Variants in FAR2 observed in about 807,000 individuals in gnomAD.
The protein encoded by FAR2 is epididymis secretory protein Li 81.
Under a neutral mutation model 56.0 loss-of-function variants are expected in FAR2, and 19 were observed. The ratio of observed to expected loss-of-function variants is 0.34; its 90% CI spans 0.24 to 0.50. FAR2 has a LOEUF of 0.50. Ranked by LOEUF, FAR2 falls within the 20% of genes least tolerant of loss-of-function variation. The pLI, the probability that FAR2 is intolerant of heterozygous loss-of-function variation, is 0.98. For missense variants in FAR2, 508 were observed against 642.2 expected, an observed-to-expected ratio of 0.79 and a Z score of 2.26; for synonymous variants, 219 against 218.8, an observed-to-expected ratio of 1.00 and a Z score of -0.01.
chr12:29,176,162 C>G (rs1330162514), intron 1 of FAR2, among the ~76,000 whole-genome samples: 1 of 152,180 alleles, frequency 6.6e-6, no homozygotes, highest in Non-Finnish European at 1.5e-5. Context: ...TTATGCTCCC[C>G]AGATTCCTCA....
At position 29,297,012 on chromosome 12, in the gene FAR2, C is replaced by T. The variant is rs1555121038; in HGVS notation, c.366-9C>T. The T allele has an allele frequency of 1.9e-6, 3 of 1,582,832 alleles. No homozygotes were observed. Among genetic ancestry groups the T allele is most frequent in the Non-Finnish European group, 2.6e-6 (3 of 1,167,084 alleles). On this transcript the variant is annotated splice_polypyrimidine_tract_variant and intron_variant, in intron 3 of 11. Coordinates refer to ENST00000536681, the MANE Select transcript of FAR2 (RefSeq NM_001271783.2). ...TTCATTGTATTTCCTTCTGCTTAATCTTCTCTAGACATGCTGTGCAACTTA... is the reference window on the plus strand; with the variant it reads ...TTCATTGTATTTCCTTCTGCTTAATTTTCTCTAGACATGCTGTGCAACTTA...
chr12:29,260,117 C>A (rs992543542), intron 1 of FAR2, among the ~76,000 whole-genome samples: 8 of 152,108 alleles, frequency 5.3e-5, no homozygotes, highest in Non-Finnish European at 8.8e-5. Flanking sequence ...TATGAGTTAA[C>A]AATTCCTAGA....
chr12:29,313,659 T>C (rs1949391712), intron 8 of FAR2, among the ~76,000 whole-genome samples: 1 of 152,158 alleles, frequency 6.6e-6, no homozygotes, highest in Admixed American at 6.5e-5. Flanking sequence ...TATTTGTCTC[T>C]TTTTCTAATA....
intron 1 of FAR2, among the ~76,000 whole-genome samples, chr12:29,252,163 T>C (rs1298044756): frequency 6.6e-6 from 1 of 152,162 alleles, no homozygotes; most frequent in Admixed American, 6.5e-5. Context: ...AAAATGGAAC[T>C]GCTACTCCAC....
intron 1 of FAR2, among the ~76,000 whole-genome samples, chr12:29,172,483 T>C (rs575550578): frequency 2.0e-5 from 3 of 152,206 alleles, no homozygotes; most frequent in African/African-American, 7.2e-5. Context: ...ACCACTGAGG[T>C]TTGTTTGTCT....
chr12:29,190,538 C>G (rs1950094715), intron 1 of FAR2, among the ~76,000 whole-genome samples: 1 of 152,102 alleles, frequency 6.6e-6, no homozygotes, highest in African/African-American at 2.4e-5. Flanking sequence ...AATCTCAGCT[C>G]ACTGAAATCT....
chr12:29,321,680 G>A, intron 9 of FAR2, 115 bp from the exon 10 acceptor site: 5 of 1,178,526 alleles, frequency 4.2e-6, no homozygotes, highest in Non-Finnish European at 5.8e-6. Context: ...TTTTAATGAG[G>A]AGTGGTAGAC....
chr12:29,321,215 C>G (rs916775551), intron 9 of FAR2, among the ~76,000 whole-genome samples: 1 of 151,690 alleles, frequency 6.6e-6, no homozygotes, highest in South Asian at 2.1e-4. Flanking sequence ...TCTTAAAATA[C>G]AAGAAAGTAC....
At chr12:29,214,027 T>C (rs1947590312) in intron 1 of FAR2, among the ~76,000 whole-genome samples, 1 of 152,220 alleles carries the variant, frequency 6.6e-6, no homozygotes, top group East Asian at 1.9e-4. Flanking sequence ...CAAAGTTTCT[T>C]ATTTTGCCTT....
At chr12:29,319,388 T>C (rs1470784228) in intron 9 of FAR2, among the ~76,000 whole-genome samples, 1 of 152,198 alleles carries the variant, frequency 6.6e-6, no homozygotes, top group Non-Finnish European at 1.5e-5. Flanking sequence ...GAATGACATC[T>C]TTTTGTTTTT....
intron 8 of FAR2, among the ~76,000 whole-genome samples, chr12:29,315,125 G>A (rs1294248889): frequency 1.3e-5 from 2 of 152,178 alleles, no homozygotes; most frequent in Admixed American, 1.3e-4. Context: ...GATGTGGGAA[G>A]GCTGCTATTT....
chr12:29,309,045 TTAA>T (rs1487019959), intron 5 of FAR2, 138 bp from the exon 6 acceptor site: 18 of 680,984 alleles, frequency 2.6e-5, no homozygotes, highest in African/African-American at 1.8e-4. Flanking sequence ...TTTTGAGATC[TTAA>T]TAATACTGAA....
chr12:29,185,135 C>T (rs1950029131), intron 1 of FAR2, among the ~76,000 whole-genome samples: 1 of 152,144 alleles, frequency 6.6e-6, no homozygotes. Flanking sequence ...CTGCCCTATT[C>T]TAATTTTATT....
At chr12:29,308,108 G>A (rs1591954363) in intron 5 of FAR2, 1 of 288,010 alleles carries the variant, frequency 3.5e-6, no homozygotes. Context: ...TCACATGGGT[G>A]ATGGTTTCAT....
At chr12:29,261,106 C>T (rs2136692832) in intron 1 of FAR2, among the ~76,000 whole-genome samples, 1 of 152,286 alleles carries the variant, frequency 6.6e-6, no homozygotes, top group East Asian at 1.9e-4. Flanking sequence ...CAAAGAACAT[C>T]CACAAGCATC....
chr12:29,241,566 C>T (rs1239076259), intron 1 of FAR2, among the ~76,000 whole-genome samples: 1 of 152,090 alleles, frequency 6.6e-6, no homozygotes, highest in African/African-American at 2.4e-5. Flanking sequence ...TTTTTATTCT[C>T]TCACACTGAG....
chr12:29,331,053 GAAC>G (rs1163214639), intron 10 of FAR2, among the ~76,000 whole-genome samples: 1 of 152,054 alleles, frequency 6.6e-6, no homozygotes, highest in Non-Finnish European at 1.5e-5. Context: ...CCATTCAAAG[GAAC>G]ATCATTCTTG....
At chr12:29,274,829 GC>G (rs370113492) in intron 2 of FAR2, among the ~76,000 whole-genome samples, 19,798 of 149,290 alleles carry the variant, frequency 0.13, 2,607 homozygotes, top group African/African-American at 0.34. Context: ...CTATAAAACG[GC>G]CCCCACCCCT....
intron 1 of FAR2, among the ~76,000 whole-genome samples, chr12:29,215,885 T>A (rs960198775): frequency 6.6e-6 from 1 of 152,192 alleles, no homozygotes; most frequent in African/African-American, 2.4e-5. Context: ...GAGTTTGAGG[T>A]CCAAGGAGAG....
Sources: gnomAD v4.1 joint callset for allele counts (sites outside exome capture counted in the v4.1 genomes callset) on GRCh38, gnomAD v4.1.1 for gene constraint, MANE v1.5 for transcripts, NCBI Gene and HGNC (gene_info 2026-07-23, HGNC 2026-07-21) for gene names.